Variants in TBPL1 observed in about 807,000 individuals in gnomAD.
The protein encoded by TBPL1 is TATA box-binding protein-like 1.
TBPL1 carries 4 observed loss-of-function variants against 22.1 expected under a neutral mutation model. The observed-to-expected ratio is 0.18, with a 90% confidence interval of 0.09 to 0.41. TBPL1 has a LOEUF of 0.41. Ranked by LOEUF, TBPL1 falls within the 10% of genes least tolerant of loss-of-function variation. TBPL1 has a pLI of 1.00. For missense variants in TBPL1, 115 were observed against 222.3 expected (o/e 0.52, Z 3.07); for synonymous variants, 64 against 71.0 (o/e 0.90, Z 0.50).
rs1425285382 is a variant in TBPL1 at position 133,987,629 on chromosome 6, T to C, written c.*589T>C. On this transcript the variant is annotated 3_prime_UTR_variant, in exon 7 of 7. Transcript: ENST00000237264. ...GCTTCTTTTTGAAGTGTATTTTGTG[T>C]GTGTGTGTGTGTGTGTGTGTATATA... 6.9e-6 allele frequency: 1 copy of C among 144,464 alleles called. No homozygotes were observed. The highest frequency in any genetic ancestry group is 1.5e-5 in the Non-Finnish European group (1 of 66,736). 8.9% of individuals were successfully genotyped at this position (144,464 alleles called of 1,614,324 possible). A position where few individuals can be genotyped will look rare whatever the true frequency, so the allele number is the denominator to read the frequency against.
rs1459396173 is a variant in TBPL1 at position 133,988,776 on chromosome 6, A to T, written c.*1736A>T. The T allele has an allele frequency of 6.6e-6, 1 of 151,960 alleles. No individual in the cohort carries two copies. The highest frequency in any genetic ancestry group is 1.5e-5 in the Non-Finnish European group (1 of 68,010). The allele number at this position is 151,960 out of a possible 1,614,324, so 9.4% of individuals were successfully genotyped here. A position where few individuals can be genotyped will look rare whatever the true frequency, so the allele number is the denominator to read the frequency against. ...TTCCTTTATTTTAAGATTCAGTAGG[A>T]TAGCCAAATTCATAGAGAATAAAAT... On this transcript the variant is annotated 3_prime_UTR_variant, in exon 7 of 7. Transcript: ENST00000237264.
In TBPL1 at chr6:133,988,216, G is replaced by A. The variant is rs1410817466; in HGVS notation, c.*1176G>A. ...AATGGAGTTAAAGAGTGACTATTCA[G>A]TATATGAGATTGCTACTCTTAAAGT... On this transcript the variant is annotated 3_prime_UTR_variant, in exon 7 of 7. Coordinates refer to ENST00000237264, the MANE Select transcript of TBPL1 (RefSeq NM_004865.4). 6.6e-6 allele frequency: 1 copy of A among 152,152 alleles called. No homozygotes were observed. Among genetic ancestry groups the A allele is most frequent in the Non-Finnish European group, 1.5e-5 (1 of 68,012 alleles). 9.4% of individuals were successfully genotyped at this position (152,152 alleles called of 1,614,324 possible).
At chr6:133,985,389 A>G (rs1427991343) in intron 6 of TBPL1, among the ~76,000 whole-genome samples, 1 of 140,084 alleles carries the variant, frequency 7.1e-6, no homozygotes, top group Non-Finnish European at 1.5e-5. Flanking sequence ...TTTTTTTTGT[A>G]AATTCATGAT....
At chr6:133,985,288 A>AT (rs1258339545) in intron 6 of TBPL1, among the ~76,000 whole-genome samples, 1 of 62,010 alleles carries the variant, frequency 1.6e-5, no homozygotes, top group Non-Finnish European at 3.4e-5. Flanking sequence ...AAAAAAAAAA[A>AT]AAAAAAAAAA....
chr6:133,967,663 A>G (rs1451546888), intron 1 of TBPL1, among the ~76,000 whole-genome samples: 2 of 152,308 alleles, frequency 1.3e-5, no homozygotes, highest in East Asian at 1.9e-4. Flanking sequence ...TAACATAATC[A>G]TAAGTATTTG....
intron 1 of TBPL1, among the ~76,000 whole-genome samples, chr6:133,960,308 G>A (rs1167850812): frequency 1.3e-5 from 2 of 152,116 alleles, no homozygotes; most frequent in Non-Finnish European, 2.9e-5. Context: ...TGTACTGAGG[G>A]GGGAGGCCCT....
chr6:133,969,737 T>A (rs1389109506), intron 1 of TBPL1, among the ~76,000 whole-genome samples: 1 of 152,068 alleles, frequency 6.6e-6, no homozygotes, highest in Non-Finnish European at 1.5e-5. Flanking sequence ...AAGTTCAAGG[T>A]TTTCAACTGT....
In TBPL1 at chr6:133,987,660, A is replaced by ATATATATATATATATATATATATATG. The variant is rs1014795332; in HGVS notation, c.*627_*628insATATATATATATATATATGTATATAT. On this transcript the variant is annotated 3_prime_UTR_variant, in exon 7 of 7. Coordinates refer to ENST00000237264, the MANE Select transcript of TBPL1 (RefSeq NM_004865.4). ...TGTGTGTGTGTGTGTATATATATAT[A>ATATATATATATATATATATATATATG]TATATATGCACCACATGTGTATAGT... 3.9e-4 allele frequency: 56 copies of ATATATATATATATATATATATATATG among 145,088 alleles called. No homozygotes were observed. The highest frequency in any genetic ancestry group is 1.2e-3 in the African/African-American group (50 of 40,066). The allele number at this position is 145,088 out of a possible 1,614,324, so 9.0% of individuals were successfully genotyped here.
intron 1 of TBPL1, among the ~76,000 whole-genome samples, chr6:133,974,971 A>G (rs766549526): frequency 2.6e-5 from 4 of 152,194 alleles, no homozygotes; most frequent in Non-Finnish European, 4.4e-5. Flanking sequence ...CTGGGTTATA[A>G]TTGTCTTAAA....
At position 133,987,855 on chromosome 6, in the gene TBPL1, G is replaced by A. The variant is rs1054449929; in HGVS notation, c.*815G>A. ...TAGAAAATGTTAAATAACTTGTAAA[G>A]GTTAAGAAATTGTAGTTTTAAGAAG... is the stretch of plus-strand genomic sequence containing the variant. On this transcript the variant is annotated 3_prime_UTR_variant, in exon 7 of 7. Transcript: ENST00000237264. 4 of 152,358 alleles carry A rather than the reference G, an allele frequency of 2.6e-5. No homozygotes were observed. Among genetic ancestry groups the A allele is most frequent in the Non-Finnish European group, 5.9e-5 (4 of 67,972 alleles). The allele number at this position is 152,358 out of a possible 1,614,324, so 9.4% of individuals were successfully genotyped here. A position where few individuals can be genotyped will look rare whatever the true frequency, so the allele number is the denominator to read the frequency against.
At chr6:133,979,943 G>T in intron 1 of TBPL1, 139 bp from the exon 2 acceptor site, 1 of 651,632 alleles carries the variant, frequency 1.5e-6, no homozygotes. Flanking sequence ...CACTGTGCCC[G>T]GCCAGGGACA....
intron 1 of TBPL1, among the ~76,000 whole-genome samples, chr6:133,965,824 G>A (rs1776108451): frequency 6.6e-6 from 1 of 152,126 alleles, no homozygotes; most frequent in South Asian, 2.1e-4. Flanking sequence ...GAAGAAAGGA[G>A]ATATAATAAT....
At position 133,987,682 on chromosome 6, in the gene TBPL1, T is replaced by C. The variant is rs1776558149; in HGVS notation, c.*642T>C. 1 of 141,726 alleles carries C rather than the reference T, an allele frequency of 7.1e-6. No individual in the cohort carries two copies. The highest frequency in any genetic ancestry group is 2.6e-5 in the African/African-American group (1 of 38,286). 8.8% of individuals were successfully genotyped at this position (141,726 alleles called of 1,614,324 possible). ...TATATATATATGCACCACATGTGTATAGTATCTTTTAATGCTCTGTTACCA... is the reference window on the plus strand; with the variant it reads ...TATATATATATGCACCACATGTGTACAGTATCTTTTAATGCTCTGTTACCA... On this transcript the variant is annotated 3_prime_UTR_variant, in exon 7 of 7. Transcript: ENST00000237264.
In TBPL1 at chr6:133,957,224, G is replaced by A. The variant is rs146257412; in HGVS notation, c.-45+3799G>A. Among the ~76,000 whole-genome samples the A allele has an allele frequency of 8.4e-3, 1,280 of 152,208 alleles. 38 individuals are homozygous for A. The highest frequency in any genetic ancestry group is 0.062 in the Admixed American group (947 of 15,292). On this transcript the variant is annotated intron_variant, in intron 1 of 6. Coordinates refer to ENST00000237264, the MANE Select transcript of TBPL1 (RefSeq NM_004865.4). ...GGTAGTGGAGATGTGCCTTTGTGTG[G>A]GAGTCAATAATGAAAATGTTTAAAA...
At position 133,984,661 on chromosome 6, in the gene TBPL1, C is replaced by G; in HGVS notation, c.471C>G (p.Ile157Met). 1 of 1,610,236 alleles carries G rather than the reference C, an allele frequency of 6.2e-7. No homozygotes were observed. ...ATLQIFSTGS[I>M]TVTGPNVKAV... ...TACAGATTTTTTCAACAGGAAGTAT[C>G]ACAGTAACAGGTATTCTATGATATT... Residue 157 changes from isoleucine to methionine, a missense_variant, in exon 6 of 7, where the codon ATC (isoleucine) becomes ATG (methionine). Coordinates refer to ENST00000237264, the MANE Select transcript of TBPL1 (RefSeq NM_004865.4).
intron 1 of TBPL1, among the ~76,000 whole-genome samples, chr6:133,973,973 G>GT (rs963217115): frequency 1.6e-5 from 2 of 127,766 alleles, no homozygotes; most frequent in South Asian, 2.4e-4. Flanking sequence ...ATATATATTT[G>GT]TTTTTTTATT....
rs1776577747 is a variant in TBPL1 at position 133,988,889 on chromosome 6, T to C, written c.*1849T>C. 6.6e-6 allele frequency: 1 copy of C among 152,204 alleles called. No individual in the cohort carries two copies. The highest frequency in any genetic ancestry group is 1.5e-5 in the Non-Finnish European group (1 of 68,030). 9.4% of individuals were successfully genotyped at this position (152,204 alleles called of 1,614,324 possible). On this transcript the variant is annotated 3_prime_UTR_variant, in exon 7 of 7. Coordinates refer to ENST00000237264, the MANE Select transcript of TBPL1 (RefSeq NM_004865.4). ...AACAGTAATAAGTCACCTCCTGTTT[T>C]TCAATGTTCACCAAAAAAAGAAACA...
chr6:133,974,420 G>A (rs1041843347), intron 1 of TBPL1, among the ~76,000 whole-genome samples: 5 of 152,126 alleles, frequency 3.3e-5, no homozygotes, highest in Non-Finnish European at 5.9e-5. Flanking sequence ...TGCAACCTCC[G>A]CCTCCTGGGT....
chr6:133,955,283 A>G (rs1225340469), intron 1 of TBPL1, among the ~76,000 whole-genome samples: 1 of 149,954 alleles, frequency 6.7e-6, no homozygotes, highest in East Asian at 2.0e-4. Context: ...GTCAAGCCCT[A>G]GCTTCCACCT....
Sources: allele counts gnomAD v4.1 joint callset (sites outside exome capture counted in the v4.1 genomes callset), GRCh38; gene constraint gnomAD v4.1.1; transcripts MANE v1.5; gene names NCBI Gene and HGNC (gene_info 2026-07-23, HGNC 2026-07-21).